The following TUFT1 variants were observed in gnomAD, a reference collection of about 807,000 sequenced individuals.
TUFT1 encodes tuftelin 1.
Under a neutral mutation model 57.8 loss-of-function variants are expected in TUFT1, and 43 were observed. The observed-to-expected ratio is 0.74, with a 90% CI of 0.58 to 0.96. The LOEUF is 0.96. Ranked by LOEUF, TUFT1 falls within the 40% of genes least tolerant of loss-of-function variation. TUFT1 has a pLI of 0.00. For synonymous variants in TUFT1, 166 were observed against 176.7 expected (o/e 0.94, Z 0.48); for missense variants, 459 against 489.0 (o/e 0.94, Z 0.58).
At chr1:151,561,463 GCGCGCGCGCGCA>G in intron 1 of TUFT1, 2 of 97,490 alleles carry the variant, frequency 2.1e-5, no homozygotes. Context: ...GCAGTCATGC[GCGCGCGCGCGCA>G]CACACACACA....
intron 1 of TUFT1, chr1:151,557,664 G>A: frequency 1.1e-6 from 1 of 927,540 alleles, no homozygotes; most frequent in Non-Finnish European, 1.8e-6. Flanking sequence ...TTACCAATGA[G>A]GGCATCCAGT....
At position 151,562,255 on chromosome 1, in the gene TUFT1, C is replaced by T. The variant is rs1399924686; in HGVS notation, c.135+90C>T. 6 of 1,193,814 alleles carry T rather than the reference C, an allele frequency of 5.0e-6. No individual in the cohort carries two copies. In the Admixed American group the frequency reaches 9.1e-5, roughly 18 times the overall value. 74.0% of individuals were successfully genotyped at this position (1,193,814 alleles called of 1,614,324 possible). ...TTACCCAAGTACTGCCTGGAGCCGA[C>T]TCTGGTGATGCGAGCGTGGGAGCCC... On this transcript the variant is annotated intron_variant, in intron 2 of 12. Coordinates refer to ENST00000368849, the MANE Select transcript of TUFT1 (RefSeq NM_020127.3).
chr1:151,569,594 G>A (rs1221734607), intron 6 of TUFT1, 63 bp from the exon 7 acceptor site: 6 of 1,359,872 alleles, frequency 4.4e-6, no homozygotes, highest in African/African-American at 1.4e-5. Flanking sequence ...TGGGAGGGGG[G>A]ACCTTTTCTT....
chr1:151,566,012 C>CT (rs1666060756), intron 5 of TUFT1, 151 bp from the exon 6 acceptor site: 1 of 265,336 alleles, frequency 3.8e-6, no homozygotes, highest in Admixed American at 5.3e-5. Context: ...TTCTCCCTCC[C>CT]TTTCTTTTTC....
intron 1 of TUFT1, among the ~76,000 whole-genome samples, chr1:151,546,171 G>A (rs1665333349): frequency 6.6e-6 from 1 of 150,942 alleles, no homozygotes; most frequent in East Asian, 1.9e-4. Flanking sequence ...TCCAACACCC[G>A]GGTGGACTTG....
intron 1 of TUFT1, chr1:151,540,748 A>G (rs1665135821): frequency 2.9e-6 from 1 of 339,246 alleles, no homozygotes; most frequent in Non-Finnish European, 5.5e-6. Context: ...ACATTGGGTC[A>G]TAAGAGAATG....
chr1:151,555,977 C>G (rs557273823), intron 1 of TUFT1, among the ~76,000 whole-genome samples: 6 of 152,178 alleles, frequency 3.9e-5, no homozygotes, highest in Admixed American at 2.6e-4. Flanking sequence ...TCATGTTGCC[C>G]TTTGAGAGCC....
At chr1:151,552,707 CAAAA>C (rs869244649) in intron 1 of TUFT1, among the ~76,000 whole-genome samples, 1 of 53,480 alleles carries the variant, frequency 1.9e-5, no homozygotes, top group Non-Finnish European at 3.0e-5. Context: ...GACTCTGTCT[CAAAA>C]AAAAAAAAAA....
chr1:151,570,951 C>T (rs1397790963), intron 7 of TUFT1, among the ~76,000 whole-genome samples: 6 of 152,224 alleles, frequency 3.9e-5, no homozygotes, highest in East Asian at 1.9e-4. Flanking sequence ...AAGCAGTCTG[C>T]GTGCCTTAGC....
intron 1 of TUFT1, among the ~76,000 whole-genome samples, chr1:151,559,329 A>G (rs1185123305): frequency 6.6e-6 from 1 of 152,212 alleles, no homozygotes; most frequent in Non-Finnish European, 1.5e-5. Flanking sequence ...GGCAGATGCC[A>G]TGGGAGGCCT....
Position 151,560,411 on chromosome 1 carries a change from C to T in TUFT1, c.61-1680C>T, listed in dbSNP as rs1184368647. Among the ~76,000 whole-genome samples, 3 of 151,536 alleles carry T rather than the reference C, an allele frequency of 2.0e-5. No individual in the cohort carries two copies. In the East Asian group the frequency reaches 5.9e-4, roughly 30 times the overall value. On this transcript the variant is annotated intron_variant, in intron 1 of 12. Coordinates refer to ENST00000368849, the MANE Select transcript of TUFT1 (RefSeq NM_020127.3). ...AGCCTGGGAGACAAGAGCAAGACTC[C>T]ATCTCAAACAAACAAAAAACCCTCA...
intron 4 of TUFT1, 142 bp from the exon 5 acceptor site, chr1:151,564,383 G>A (rs1665996114): frequency 3.2e-6 from 2 of 632,316 alleles, no homozygotes; most frequent in African/African-American, 1.8e-5. Flanking sequence ...ACTTGACCAA[G>A]GTCCCTCCCT....
chr1:151,579,759 G>A (rs1202979430), intron 11 of TUFT1, 27 bp downstream of exon 11: 1 of 1,604,120 alleles, frequency 6.2e-7, no homozygotes, highest in East Asian at 2.2e-5. Context: ...GCCCAGCAGG[G>A]GAACAGGACT....
chr1:151,566,888 C>T (rs1046934111), intron 6 of TUFT1, among the ~76,000 whole-genome samples: 2 of 151,876 alleles, frequency 1.3e-5, no homozygotes, highest in Admixed American at 1.3e-4. Flanking sequence ...ATAGTATTTC[C>T]TTCCATGGCT....
At chr1:151,573,807 AG>A (rs1440725198) in intron 7 of TUFT1, among the ~76,000 whole-genome samples, 2 of 152,226 alleles carry the variant, frequency 1.3e-5, no homozygotes, top group African/African-American at 4.8e-5. Context: ...TAGCCCTTCC[AG>A]GTGCCATTTT....
At chr1:151,569,037 C>T (rs1666165818) in intron 6 of TUFT1, among the ~76,000 whole-genome samples, 1 of 152,214 alleles carries the variant, frequency 6.6e-6, no homozygotes. Context: ...CTCTAACCAC[C>T]AGCCCACAGT....
chr1:151,572,191 A>C (rs1418413470), intron 7 of TUFT1, among the ~76,000 whole-genome samples: 1 of 151,926 alleles, frequency 6.6e-6, no homozygotes, highest in Non-Finnish European at 1.5e-5. Context: ...ACAGATTGAG[A>C]CTTTGTCTAA....
At chr1:151,568,583 C>G (rs190505395) in intron 6 of TUFT1, among the ~76,000 whole-genome samples, 13 of 152,264 alleles carry the variant, frequency 8.5e-5, no homozygotes, top group Non-Finnish European at 1.9e-4. Context: ...TTCCAGGAAC[C>G]TTTTAAAGGC....
chr1:151,561,592 A>G (rs1243419862), intron 1 of TUFT1: 2 of 1,184,660 alleles, frequency 1.7e-6, no homozygotes, highest in Non-Finnish European at 1.1e-6. Context: ...GCCTGTTTTC[A>G]CTTGGATAAT....
Sources: gnomAD v4.1 joint callset for allele counts (sites outside exome capture counted in the v4.1 genomes callset) on GRCh38, gnomAD v4.1.1 for gene constraint, MANE v1.5 for transcripts, NCBI Gene and HGNC (gene_info 2026-07-23, HGNC 2026-07-21) for gene names.